Variants in TFEC observed in about 807,000 individuals in gnomAD.
TFEC encodes class E basic helix-loop-helix protein 34.
In TFEC, 31 loss-of-function variants were observed where a neutral mutation model predicts 41.6. That is an observed-to-expected ratio of 0.74 (90% CI 0.56 to 1.01). TFEC has a LOEUF of 1.01. Ranked by LOEUF, TFEC falls within the 50% of genes least tolerant of loss-of-function variation. The probability of loss-of-function intolerance (pLI) is 0.00; values close to 1 mark genes in which losing one functional copy is unlikely to be tolerated. For synonymous variants in TFEC, 143 were observed against 140.6 expected (o/e 1.02, Z -0.12); for missense variants, 402 against 404.1 (o/e 0.99, Z 0.04).
intron 1 of TFEC, among the ~76,000 whole-genome samples, chr7:116,154,838 C>T (rs368591700): frequency 6.6e-6 from 1 of 152,104 alleles, no homozygotes; most frequent in African/African-American, 2.4e-5. Flanking sequence ...GGAGAAATCG[C>T]GGATCTTCCT....
intron 3 of TFEC, among the ~76,000 whole-genome samples, chr7:116,050,046 A>C (rs1228299192): frequency 6.6e-6 from 1 of 152,206 alleles, no homozygotes; most frequent in Non-Finnish European, 1.5e-5. Flanking sequence ...TAAAATTGAC[A>C]CCCTAACAAC....
intron 1 of TFEC, among the ~76,000 whole-genome samples, chr7:115,996,608 G>A (rs1794378955): frequency 6.6e-6 from 1 of 151,972 alleles, no homozygotes; most frequent in Non-Finnish European, 1.5e-5. Flanking sequence ...CCACACTGGG[G>A]TAGAGCACCC....
chr7:116,072,242 TAGAG>T (rs148692653), intron 3 of TFEC, among the ~76,000 whole-genome samples: 3,295 of 151,612 alleles, frequency 0.022, 114 homozygotes, highest in African/African-American at 0.074. Flanking sequence ...TATCTACAAA[TAGAG>T]ATAGTTTTAT....
At chr7:116,125,343 T>G (rs985772827) in intron 1 of TFEC, among the ~76,000 whole-genome samples, 3 of 152,278 alleles carry the variant, frequency 2.0e-5, no homozygotes, top group Middle Eastern at 3.4e-3. Flanking sequence ...TTTAGTATGA[T>G]GTATAGAAAA....
At chr7:115,991,446 T>C (rs1438410407) in intron 1 of TFEC, among the ~76,000 whole-genome samples, 1 of 151,892 alleles carries the variant, frequency 6.6e-6, no homozygotes, top group Non-Finnish European at 1.5e-5. Flanking sequence ...GGATAAAGAG[T>C]CAAGAGCCAT....
chr7:115,951,713 T>C (rs1161071941), intron 5 of TFEC, among the ~76,000 whole-genome samples: 1 of 152,104 alleles, frequency 6.6e-6, no homozygotes, highest in African/African-American at 2.4e-5. Context: ...ATGCTGATAC[T>C]GTTTTTGTGG....
At chr7:116,116,929 G>A (rs894776603) in intron 1 of TFEC, among the ~76,000 whole-genome samples, 1 of 151,794 alleles carries the variant, frequency 6.6e-6, no homozygotes, top group Non-Finnish European at 1.5e-5. Flanking sequence ...GACTTTTCTC[G>A]AAAGGAAAGG....
At chr7:115,960,754 T>C (rs551345078) in intron 3 of TFEC, among the ~76,000 whole-genome samples, 14 of 151,522 alleles carry the variant, frequency 9.2e-5, no homozygotes, top group Non-Finnish European at 1.9e-4. Flanking sequence ...AAACAGGAAC[T>C]AGATAAAAGT....
chr7:116,062,330 C>T (rs1036907914), intron 3 of TFEC, among the ~76,000 whole-genome samples: 1 of 147,412 alleles, frequency 6.8e-6, no homozygotes, highest in Non-Finnish European at 1.5e-5. Flanking sequence ...TGATCCACCC[C>T]ACTTGGCCTC....
intron 1 of TFEC, among the ~76,000 whole-genome samples, chr7:116,027,404 G>A (rs1446180710): frequency 1.3e-5 from 2 of 151,946 alleles, no homozygotes; most frequent in African/African-American, 4.8e-5. Context: ...AACATGGCGA[G>A]ACCCCCCATC....
intron 6 of TFEC, among the ~76,000 whole-genome samples, chr7:115,947,724 A>G (rs1273186253): frequency 6.7e-6 from 1 of 149,648 alleles, no homozygotes; most frequent in African/African-American, 2.4e-5. Context: ...TCTTCTTTTG[A>G]GAAGTGTCTG....
chr7:115,976,748 A>G (rs558813066), intron 2 of TFEC, among the ~76,000 whole-genome samples: 9 of 152,342 alleles, frequency 5.9e-5, no homozygotes, highest in Non-Finnish European at 1.3e-4. Flanking sequence ...GATTTGAGGA[A>G]AGAAGATTGC....
intron 1 of TFEC, among the ~76,000 whole-genome samples, chr7:115,995,221 G>A (rs971111518): frequency 2.0e-5 from 3 of 150,450 alleles, no homozygotes; most frequent in Non-Finnish European, 3.0e-5. Flanking sequence ...GGGAGGGATA[G>A]CATTAGGAGA....
chr7:116,027,237 T>G (rs1426674122), intron 1 of TFEC, among the ~76,000 whole-genome samples: 1 of 152,054 alleles, frequency 6.6e-6, no homozygotes, highest in Non-Finnish European at 1.5e-5. Flanking sequence ...CCGCATAGAA[T>G]GAGTGCTGCA....
upstream of TFEC, among the ~76,000 whole-genome samples, chr7:116,033,769 CAAGT>C (rs1291024815): frequency 1.6e-4 from 25 of 152,090 alleles, no homozygotes; most frequent in Admixed American, 1.2e-3. Flanking sequence ...AGAATACAAG[CAAGT>C]GTTCTTTCTC....
chr7:116,042,598 T>C (rs1433206500), intron 3 of TFEC, among the ~76,000 whole-genome samples: 1 of 152,202 alleles, frequency 6.6e-6, no homozygotes, highest in Non-Finnish European at 1.5e-5. Context: ...TAATCTGTAA[T>C]GACTTTTTAT....
At chr7:116,090,934 G>A (rs1797312061) in intron 3 of TFEC, among the ~76,000 whole-genome samples, 1 of 151,798 alleles carries the variant, frequency 6.6e-6, no homozygotes, top group South Asian at 2.1e-4. Context: ...ATAGGGCACA[G>A]GGAGGGGAAC....
At chr7:115,956,433 ATATG>A (rs1792232779) in intron 4 of TFEC, among the ~76,000 whole-genome samples, 1 of 150,238 alleles carries the variant, frequency 6.7e-6, no homozygotes, top group Non-Finnish European at 1.5e-5. Flanking sequence ...ATACATGTAT[ATATG>A]TATGTAAAAC....
At chr7:116,142,014 G>C (rs1271845523) in intron 1 of TFEC, among the ~76,000 whole-genome samples, 2 of 152,120 alleles carry the variant, frequency 1.3e-5, no homozygotes, top group Non-Finnish European at 2.9e-5. Context: ...CATGATCACA[G>C]AGTGATATCA....
Sources: allele counts gnomAD v4.1 joint callset (sites outside exome capture counted in the v4.1 genomes callset), GRCh38; gene constraint gnomAD v4.1.1; transcripts MANE v1.5; gene names NCBI Gene and HGNC (gene_info 2026-07-23, HGNC 2026-07-21).